Variants in CAST observed in about 807,000 individuals in gnomAD.
CAST encodes the protein MIR583 host.
CAST carries 76 observed loss-of-function variants against 119.6 expected under a neutral mutation model. The ratio of observed to expected loss-of-function variants is 0.64; its 90% CI spans 0.53 to 0.77. The LOEUF is 0.77. CAST is among the 30% of genes least tolerant of loss of function. The pLI, the probability that CAST is intolerant of heterozygous loss-of-function variation, is 0.00. For missense variants in CAST, 953 were observed against 946.5 expected (o/e 1.01, Z -0.09); for synonymous variants, 319 against 331.6 (o/e 0.96, Z 0.41).
chr5:96,763,144 G>T (rs923600416), intron 25 of CAST: 4 of 780,110 alleles, frequency 5.1e-6, no homozygotes, highest in Non-Finnish European at 9.6e-6. Flanking sequence ...CTTCCATTCC[G>T]TTTGATGTAG....
chr5:96,151,460 G>A, the CAST span, among the ~76,000 whole-genome samples: 1 of 152,026 alleles, frequency 6.6e-6, no homozygotes, highest in Non-Finnish European at 1.5e-5. Flanking sequence ...ACATAGTGAG[G>A]CCCCATCTCT....
At chr5:96,658,214 A>C (rs1349093369), upstream of CAST, among the ~76,000 whole-genome samples, 2 of 152,198 alleles carry the variant, frequency 1.3e-5, no homozygotes, top group Non-Finnish European at 2.9e-5. Flanking sequence ...TGGGTTTAGT[A>C]AGTTCATTAC....
chr5:96,730,932 T>C (rs1488143417), intron 9 of CAST, 72 bp downstream of exon 9: 15 of 1,152,874 alleles, frequency 1.3e-5, no homozygotes, highest in Non-Finnish European at 2.0e-5. Flanking sequence ...AAACGTATGC[T>C]CAAATAACCT....
the CAST span, among the ~76,000 whole-genome samples, chr5:96,263,765 A>G: frequency 6.6e-6 from 1 of 152,246 alleles, no homozygotes. Flanking sequence ...CTACAGTTCC[A>G]CATGGCTGGG....
chr5:96,221,316 G>A, the CAST span, among the ~76,000 whole-genome samples: 1 of 152,092 alleles, frequency 6.6e-6, no homozygotes, highest in East Asian at 1.9e-4. Flanking sequence ...TGGAAAAGAG[G>A]AAGTAAAATT....
At chr5:96,070,830 A>G in the CAST span, among the ~76,000 whole-genome samples, 1 of 152,152 alleles carries the variant, frequency 6.6e-6, no homozygotes, top group Non-Finnish European at 1.5e-5. Flanking sequence ...GAAGTATGTA[A>G]CCCTAGGAAC....
At chr5:96,141,116 T>A in the CAST span, among the ~76,000 whole-genome samples, 1 of 152,190 alleles carries the variant, frequency 6.6e-6, no homozygotes, top group Admixed American at 6.5e-5. Context: ...TTCAGATAAA[T>A]GTATATTCAT....
intron 1 of CAST, among the ~76,000 whole-genome samples, chr5:96,647,071 T>G (rs1748023021): frequency 6.6e-6 from 1 of 152,204 alleles, no homozygotes; most frequent in South Asian, 2.1e-4. Context: ...ACTTTTCTGC[T>G]GGGAACTGCT....
chr5:96,170,950 G>A, the CAST span, among the ~76,000 whole-genome samples: 16 of 152,234 alleles, frequency 1.1e-4, no homozygotes, highest in Admixed American at 3.3e-4. Context: ...AACCTGGCTC[G>A]GCCTGGCGAG....
the CAST span, among the ~76,000 whole-genome samples, chr5:96,266,225 G>T: frequency 6.6e-6 from 1 of 152,128 alleles, no homozygotes; most frequent in African/African-American, 2.4e-5. Flanking sequence ...TATTTGTAAT[G>T]CCTCCTCCTA....
At chr5:96,419,210 T>C in the CAST span, among the ~76,000 whole-genome samples, 4 of 151,532 alleles carry the variant, frequency 2.6e-5, no homozygotes, top group Non-Finnish European at 5.9e-5. Flanking sequence ...CAAATCAATT[T>C]GTTTAAATGC....
chr5:96,664,747 T>C (rs1053461914), intron 1 of CAST, among the ~76,000 whole-genome samples: 2 of 152,226 alleles, frequency 1.3e-5, no homozygotes, highest in Admixed American at 1.3e-4. Context: ...CTTTTAAGAA[T>C]TTGGAATTCC....
At chr5:96,139,980 CA>C in the CAST span, among the ~76,000 whole-genome samples, 1 of 152,092 alleles carries the variant, frequency 6.6e-6, no homozygotes, top group South Asian at 2.1e-4. Flanking sequence ...TACTAGTACA[CA>C]AAAGAAAAGT....
intron 1 of CAST, among the ~76,000 whole-genome samples, chr5:96,623,008 T>A (rs181675745): frequency 2.0e-5 from 3 of 151,666 alleles, no homozygotes; most frequent in Non-Finnish European, 4.4e-5. Context: ...GGACTACAGG[T>A]GCGCACCACC....
chr5:96,360,598 G>C, the CAST span, among the ~76,000 whole-genome samples: 1 of 152,174 alleles, frequency 6.6e-6, no homozygotes, highest in South Asian at 2.1e-4. Flanking sequence ...CTCTGCTGCA[G>C]GTCTGCTGCA....
chr5:95,985,309 G>A, the CAST span, among the ~76,000 whole-genome samples: 1 of 152,100 alleles, frequency 6.6e-6, no homozygotes, highest in East Asian at 1.9e-4. Context: ...TTAAGACCTT[G>A]TCTCTAAAAG....
chr5:96,581,060 T>C (rs1746762395), intron 1 of CAST, among the ~76,000 whole-genome samples: 1 of 152,234 alleles, frequency 6.6e-6, no homozygotes, highest in African/African-American at 2.4e-5. Flanking sequence ...CTGTGAGAAA[T>C]AAGTTCATGT....
At chr5:96,179,435 T>A in the CAST span, among the ~76,000 whole-genome samples, 1 of 152,212 alleles carries the variant, frequency 6.6e-6, no homozygotes, top group South Asian at 2.1e-4. Context: ...AACCTCTTCC[T>A]GACCCTCATC....
intron 1 of CAST, among the ~76,000 whole-genome samples, chr5:96,674,519 C>T (rs956366818): frequency 3.3e-5 from 5 of 152,084 alleles, no homozygotes; most frequent in Admixed American, 3.3e-4. Flanking sequence ...CACAGTGTGA[C>T]AGAAATGGAA....
Sources: allele counts gnomAD v4.1 joint callset (sites outside exome capture counted in the v4.1 genomes callset), GRCh38; gene constraint gnomAD v4.1.1; transcripts MANE v1.5; gene names NCBI Gene and HGNC (gene_info 2026-07-23, HGNC 2026-07-21).